GATA4: variants seen among roughly 807,000 people sequenced by gnomAD.
The protein encoded by GATA4 is GATA binding protein 4, also known as transcription factor GATA-4.
GATA4 carries 7 observed loss-of-function variants against 37.9 expected under a neutral mutation model. The ratio of observed to expected loss-of-function variants is 0.18; its 90% CI spans 0.11 to 0.35. GATA4 has a LOEUF of 0.35. Among genes scored for constraint, GATA4 ranks in the 10% least tolerant of loss-of-function variants. The probability of loss-of-function intolerance (pLI) is 1.00; values close to 1 mark genes in which losing one functional copy is unlikely to be tolerated. For missense variants in GATA4, 647 were observed against 653.0 expected (o/e 0.99, Z 0.10); for synonymous variants, 372 against 292.6 (o/e 1.27, Z -2.77).
At position 11,708,394 on chromosome 8, in the gene GATA4, C is replaced by T. The variant is rs1406275331; in HGVS notation, c.82C>T (p.His28Tyr). 26 of 1,545,596 alleles carry T rather than the reference C, an allele frequency of 1.7e-5. No individual in the cohort carries two copies. The highest frequency in any genetic ancestry group is 2.3e-5 in the Non-Finnish European group (26 of 1,152,462). The change falls in exon 2 of 7, where the codon CAC becomes TAC. Residue 28 changes from histidine (H) to tyrosine (Y), a missense_variant. Transcript: ENST00000532059. The surrounding 1 kb of genome is among the most constrained non-coding windows in gnomAD (Gnocchi z 6.7). ...YEAGGPGAFM[H>Y]GAGAASSPVY... is the part of the protein sequence containing the mutation. ...GGCGGGCGGCCCCGGCGCCTTCATG[C>T]ACGGCGCGGGCGCCGCGTCCTCGCC...
Position 11,707,943 on chromosome 8 carries a change from G to A in GATA4, c.-370G>A, listed in dbSNP as rs905753163. 14 of 322,652 alleles carry A rather than the reference G, an allele frequency of 4.3e-5. No individual in the cohort carries two copies. The highest frequency in any genetic ancestry group is 1.4e-4 in the Admixed American group (3 of 21,970). 20.0% of individuals were successfully genotyped at this position (322,652 alleles called of 1,614,324 possible). A position where few individuals can be genotyped will look rare whatever the true frequency, so the allele number is the denominator to read the frequency against. On this transcript the variant is annotated 5_prime_UTR_variant, in exon 2 of 7. Coordinates refer to ENST00000532059, the MANE Select transcript of GATA4 (RefSeq NM_001308093.3). The surrounding 1 kb of genome is among the most constrained non-coding windows in gnomAD (Gnocchi z 4.7). ...TGTCCTGGAGGCCTCTCGGTGTGAC[G>A]AGTGGGGGACCCGAAGGCTCGTGCG...
At chr8:11,743,848 C>G (rs575785546) in intron 2 of GATA4, among the ~76,000 whole-genome samples, 2 of 152,278 alleles carry the variant, frequency 1.3e-5, no homozygotes, top group African/African-American at 4.8e-5. Context: ...TGCACCGGCT[C>G]GCTGAGAAAT....
intron 2 of GATA4, among the ~76,000 whole-genome samples, chr8:11,718,969 G>C (rs1800552049): frequency 6.6e-6 from 1 of 152,210 alleles, no homozygotes; most frequent in Non-Finnish European, 1.5e-5. Context: ...CAGACAATCA[G>C]ATCTGATTCA....
intron 1 of GATA4, among the ~76,000 whole-genome samples, chr8:11,686,541 CCTT>C (rs2129954527): frequency 6.6e-6 from 1 of 152,208 alleles, no homozygotes; most frequent in South Asian, 2.1e-4. Flanking sequence ...TCATCTCTTC[CCTT>C]CTTCATCTAC....
At chr8:11,695,061 A>G (rs1799464078) in intron 1 of GATA4, among the ~76,000 whole-genome samples, 1 of 152,208 alleles carries the variant, frequency 6.6e-6, no homozygotes, top group Non-Finnish European at 1.5e-5. Context: ...TAGCCCATCC[A>G]TGTGAACATC....
chr8:11,726,359 A>T (rs1436252056), intron 2 of GATA4, among the ~76,000 whole-genome samples: 1 of 152,224 alleles, frequency 6.6e-6, no homozygotes, highest in Non-Finnish European at 1.5e-5. Context: ...CCCAAAACCT[A>T]GAAGGCCAGG....
At chr8:11,689,930 C>A (rs1262197046), upstream of GATA4, among the ~76,000 whole-genome samples, 1 of 152,204 alleles carries the variant, frequency 6.6e-6, no homozygotes, top group East Asian at 1.9e-4. Context: ...CAGAATATAA[C>A]CAGGGTGCCA....
intron 1 of GATA4, among the ~76,000 whole-genome samples, chr8:11,686,340 A>G (rs35185280): frequency 0.47 from 71,043 of 152,078 alleles, 20,709 homozygotes; most frequent in Non-Finnish European, 0.65. Flanking sequence ...TGCATTCTGA[A>G]TATAGCATGA....
chr8:11,722,318 T>C lies in GATA4; in HGVS notation c.616+13390T>C, dbSNP rs577697993. 3.2e-3 allele frequency among the ~76,000 whole-genome samples: 484 copies of C among 152,342 alleles called. 1 individual carries two copies. The highest frequency in any genetic ancestry group is 0.011 in the African/African-American group (470 of 41,574). On this transcript the variant is annotated intron_variant, in intron 2 of 6. Transcript: ENST00000532059. ...AGCATATTCCAAACAGCATGTCATT[T>C]TACCCACAAATACTTTTGTATATAT...
At chr8:11,693,556 CACACACAGAG>C (rs1349131029) in intron 1 of GATA4, among the ~76,000 whole-genome samples, 1,145 of 103,528 alleles carry the variant, frequency 0.011, 4 homozygotes, top group East Asian at 0.034. Context: ...CACACACACA[CACACACAGAG>C]AGAGAGAGAG....
intron 2 of GATA4, among the ~76,000 whole-genome samples, chr8:11,740,198 T>C (rs1019362334): frequency 6.6e-6 from 1 of 152,164 alleles, no homozygotes; most frequent in Non-Finnish European, 1.5e-5. Context: ...CGTGTGGCTT[T>C]TCTGGAAGGG....
chr8:11,697,739 C>A (rs1325699692), intron 1 of GATA4: 3 of 985,478 alleles, frequency 3.0e-6, no homozygotes, highest in Non-Finnish European at 3.6e-6. Context: ...TCTCTGCTCG[C>A]CGCGCCAGGT....
upstream of GATA4, among the ~76,000 whole-genome samples, chr8:11,702,574 C>A (rs1799718098): frequency 6.8e-6 from 1 of 146,558 alleles, no homozygotes. The surrounding 1 kb of genome is among the most constrained non-coding windows in gnomAD (Gnocchi z 4.4). Flanking sequence ...CCGGAGACCG[C>A]TTTTCCGCAG....
upstream of GATA4, among the ~76,000 whole-genome samples, chr8:11,690,911 G>T (rs551880131): frequency 1.3e-5 from 2 of 152,200 alleles, no homozygotes; most frequent in Non-Finnish European, 2.9e-5. Context: ...AAGATACCCT[G>T]CACAATACCA....
chr8:11,702,532 TGAGTCCGAAGGATCGC>T (rs1255605279), upstream of GATA4, among the ~76,000 whole-genome samples: 1 of 151,168 alleles, frequency 6.6e-6, no homozygotes, highest in African/African-American at 2.4e-5. The surrounding 1 kb of genome is among the most constrained non-coding windows in gnomAD (Gnocchi z 4.4). Context: ...CCTTCTCCGC[TGAGTCCGAAGGATCGC>T]AGATTGGAGC....
chr8:11,754,185 A>G (rs900498613), intron 4 of GATA4, among the ~76,000 whole-genome samples: 6 of 152,152 alleles, frequency 3.9e-5, no homozygotes, highest in Non-Finnish European at 7.4e-5. Context: ...GTTGAGGCCA[A>G]TTTTCCCAGC....
chr8:11,694,325 A>G (rs963538285), intron 1 of GATA4: 4 of 169,690 alleles, frequency 2.4e-5, no homozygotes, highest in African/African-American at 9.6e-5. Flanking sequence ...ATCTCATTTC[A>G]TAAGAGGGAG....
intron 2 of GATA4, among the ~76,000 whole-genome samples, chr8:11,714,562 T>C (rs1301800980): frequency 6.6e-6 from 1 of 152,034 alleles, no homozygotes; most frequent in East Asian, 1.9e-4. Context: ...TCAGTCAGAG[T>C]TGGGGTTGGT....
At chr8:11,698,582 C>T (rs1053544596) in intron 1 of GATA4, among the ~76,000 whole-genome samples, 9 of 152,116 alleles carry the variant, frequency 5.9e-5, no homozygotes, top group African/African-American at 1.9e-4. Flanking sequence ...TTCCTCTATC[C>T]GGCTGACTTG....
Sources: allele counts gnomAD v4.1 joint callset (sites outside exome capture counted in the v4.1 genomes callset), GRCh38; gene constraint gnomAD v4.1.1; non-coding constraint Gnocchi (gnomAD v3.1); transcripts MANE v1.5; gene names NCBI Gene and HGNC (gene_info 2026-07-23, HGNC 2026-07-21).